The following CFI variants were observed in gnomAD, a reference collection of about 807,000 sequenced individuals.
CFI encodes the protein complement factor I, also known as C3B/C4B inactivator.
In CFI, 66 loss-of-function variants were observed where a neutral mutation model predicts 78.8. That is an observed-to-expected ratio of 0.84 (90% CI 0.69 to 1.03). The LOEUF (loss-of-function observed/expected upper bound fraction) is 1.03, where lower values mean the gene tolerates loss of function less well. CFI is among the 50% of genes least tolerant of loss of function. The probability of loss-of-function intolerance (pLI) is 0.00; values close to 1 mark genes in which losing one functional copy is unlikely to be tolerated. For synonymous variants in CFI, 250 were observed against 232.6 expected (o/e 1.07, Z -0.68); for missense variants, 706 against 704.5 (o/e 1.00, Z -0.02).
the CFI span, among the ~76,000 whole-genome samples, chr4:109,734,805 GA>G: frequency 2.0e-5 from 3 of 151,304 alleles, no homozygotes; most frequent in African/African-American, 4.9e-5. Flanking sequence ...GTCTGTCTAA[GA>G]AAAAAGAAAA....
intron 2 of CFI, 88 bp downstream of exon 2, chr4:109,766,466 A>T: frequency 1.3e-6 from 2 of 1,500,202 alleles, no homozygotes; most frequent in South Asian, 1.1e-5. Flanking sequence ...ATCATAACAT[A>T]CACAAGAGAA....
chr4:109,764,094 A>C (rs1727418780), intron 3 of CFI, among the ~76,000 whole-genome samples: 1 of 150,030 alleles, frequency 6.7e-6, no homozygotes, highest in Non-Finnish European at 1.5e-5. Context: ...TAAAACTATA[A>C]ACTATAATTT....
At chr4:109,738,965 G>A (rs1723542934), downstream of CFI, among the ~76,000 whole-genome samples, 2 of 152,132 alleles carry the variant, frequency 1.3e-5, no homozygotes, top group Non-Finnish European at 2.9e-5. Context: ...TAGATATGAA[G>A]TTTCAATTTG....
chr4:109,746,683 T>G (rs971994304), intron 10 of CFI, among the ~76,000 whole-genome samples, 181 bp from the exon 11 acceptor site: 8 of 152,186 alleles, frequency 5.3e-5, no homozygotes, highest in Non-Finnish European at 1.0e-4. Context: ...AGGTCAATGG[T>G]AAATGATAAA....
At chr4:109,744,620 TC>T (rs1378816711) in intron 11 of CFI, among the ~76,000 whole-genome samples, 1 of 152,134 alleles carries the variant, frequency 6.6e-6, no homozygotes, top group Non-Finnish European at 1.5e-5. Context: ...CTCCTACTCT[TC>T]CGCTTTCAGA....
chr4:109,749,250 G>C lies in CFI; in HGVS notation c.1116C>G (p.Gly372=). Residue 372 remains glycine (G), a synonymous_variant, in exon 10 of 13, where the codon GGC becomes GGG. Coordinates refer to ENST00000394634, the MANE Select transcript of CFI (RefSeq NM_000204.5). ...GITCGGIYIG[G]CWILTAAHCL... is the part of the protein sequence containing the mutation. Reference sequence around the variant, plus strand: ...AATGTGCAGCAGTCAGAATCCAACAGCCACCAATATAAATTCCCCCACAGG... The same window carrying C: ...AATGTGCAGCAGTCAGAATCCAACACCCACCAATATAAATTCCCCCACAGG... The C allele has an allele frequency of 6.2e-7, 1 of 1,614,108 alleles. No individual in the cohort carries two copies. Among genetic ancestry groups the C allele is most frequent in the Non-Finnish European group, 8.5e-7 (1 of 1,180,000 alleles).
chr4:109,757,182 C>A (rs999714521), intron 7 of CFI, among the ~76,000 whole-genome samples: 2 of 151,612 alleles, frequency 1.3e-5, no homozygotes, highest in Admixed American at 1.3e-4. Context: ...GCTCCCGCCA[C>A]CACGCCAGGA....
At chr4:109,786,192 G>C (rs1488692531) in intron 1 of CFI, among the ~76,000 whole-genome samples, 1 of 151,758 alleles carries the variant, frequency 6.6e-6, no homozygotes, top group Non-Finnish European at 1.5e-5. Flanking sequence ...CACCATGCCC[G>C]GCTAATTTTT....
At chr4:109,775,664 A>G (rs1451497648) in intron 1 of CFI, among the ~76,000 whole-genome samples, 1 of 152,216 alleles carries the variant, frequency 6.6e-6, no homozygotes, top group Non-Finnish European at 1.5e-5. Context: ...TTCTCCCAGC[A>G]TGGAGTTTGA....
At position 109,752,478 on chromosome 4, in the gene CFI, G is replaced by T; in HGVS notation, c.930C>A (p.Asp310Glu). ...ATAACGTTAGCTTACCTGCATCCAT[G>T]TCAGCAGTCAAAATTTCTGTTTCTT... ...TQEETEILTA[D>E]MDAERRRIKS... The change falls in exon 8 of 13, where the codon GAC becomes GAA. Residue 310 changes from aspartate (D) to glutamate (E), a missense_variant. Coordinates refer to ENST00000394634, the MANE Select transcript of CFI (RefSeq NM_000204.5). The T allele has an allele frequency of 6.2e-7, 1 of 1,613,274 alleles. No individual in the cohort carries two copies. The highest frequency in any genetic ancestry group is 8.5e-7 in the Non-Finnish European group (1 of 1,179,532).
At chr4:109,757,188 C>G (rs1726422668) in intron 7 of CFI, among the ~76,000 whole-genome samples, 1 of 151,426 alleles carries the variant, frequency 6.6e-6, no homozygotes, top group South Asian at 2.1e-4. Flanking sequence ...GCCACCACGC[C>G]AGGATAATTT....
intron 1 of CFI, among the ~76,000 whole-genome samples, chr4:109,791,264 C>T (rs946715380): frequency 3.9e-5 from 6 of 151,986 alleles, no homozygotes; most frequent in Non-Finnish European, 7.4e-5. Context: ...AGTATCTGTT[C>T]ATGTCCTTTG....
chr4:109,764,423 T>C (rs1325741710), intron 3 of CFI, 114 bp downstream of exon 3: 22 of 1,192,080 alleles, frequency 1.8e-5, no homozygotes, highest in Non-Finnish European at 1.6e-5. Flanking sequence ...ATGCACATAG[T>C]TAATTTTCTT....
the CFI span, among the ~76,000 whole-genome samples, chr4:109,734,667 G>A: frequency 2.0e-5 from 3 of 152,106 alleles, no homozygotes; most frequent in Non-Finnish European, 4.4e-5. Flanking sequence ...ACCTGGGCGT[G>A]GTGGCAGGTG....
chr4:109,795,167 G>T (rs1731902459), intron 1 of CFI, among the ~76,000 whole-genome samples: 1 of 152,180 alleles, frequency 6.6e-6, no homozygotes, highest in Non-Finnish European at 1.5e-5. Flanking sequence ...GAAAAAGAGA[G>T]CAACCCTGCT....
intron 10 of CFI, 145 bp downstream of exon 10, chr4:109,749,073 G>T (rs1724815458): frequency 4.8e-6 from 4 of 824,788 alleles, no homozygotes; most frequent in Non-Finnish European, 8.5e-6. Context: ...TGGAATTCCA[G>T]TCGCGAATAC....
intron 8 of CFI, among the ~76,000 whole-genome samples, chr4:109,751,595 C>A (rs1347138653): frequency 6.6e-6 from 1 of 151,940 alleles, no homozygotes. Context: ...GCACCTGCTA[C>A]CATGTCTGGC....
chr4:109,757,572 A>T (rs1012807029), intron 7 of CFI, among the ~76,000 whole-genome samples, 191 bp downstream of exon 7: 14 of 152,056 alleles, frequency 9.2e-5, no homozygotes, highest in African/African-American at 3.4e-4. Flanking sequence ...CAGGCTGTGG[A>T]TGGGGTGTGT....
chr4:109,771,037 G>C (rs1421454210), intron 1 of CFI, among the ~76,000 whole-genome samples: 1 of 152,068 alleles, frequency 6.6e-6, no homozygotes, highest in Non-Finnish European at 1.5e-5. Context: ...GTGGGAGACG[G>C]GTGATAGGAG....
Sources: allele counts gnomAD v4.1 joint callset (sites outside exome capture counted in the v4.1 genomes callset), GRCh38; gene constraint gnomAD v4.1.1; transcripts MANE v1.5; gene names NCBI Gene and HGNC (gene_info 2026-07-23, HGNC 2026-07-21).